The following BTBD9 variants were observed in gnomAD, a reference collection of about 807,000 sequenced individuals.
BTBD9 encodes BTB domain containing 9.
In BTBD9, 49 loss-of-function variants were observed where a neutral mutation model predicts 64.3. The observed-to-expected ratio is 0.76, with a 90% CI of 0.61 to 0.97. BTBD9 has a LOEUF of 0.97. Ranked by LOEUF, BTBD9 falls within the 50% of genes least tolerant of loss-of-function variation. The pLI is 0.00. For missense variants in BTBD9, 598 were observed against 762.1 expected (o/e 0.78, Z 2.53); for synonymous variants, 260 against 274.7 (o/e 0.95, Z 0.53).
intron 6 of BTBD9, among the ~76,000 whole-genome samples, chr6:38,407,011 C>G (rs2127251148): frequency 6.6e-6 from 1 of 152,336 alleles, no homozygotes; most frequent in Middle Eastern, 3.4e-3. Flanking sequence ...ATTCCTTGTT[C>G]TGTTTCCACT....
chr6:38,246,492 G>C (rs1764209423), intron 9 of BTBD9, among the ~76,000 whole-genome samples: 1 of 151,530 alleles, frequency 6.6e-6, no homozygotes, highest in Admixed American at 6.6e-5. Context: ...TCTAAAATCT[G>C]CTATTTTCTT....
rs772578758 is a variant in BTBD9 at position 38,288,334 on chromosome 6, G to A, written c.1392C>T (p.His464=). 19 of 1,614,136 alleles carry A rather than the reference G, an allele frequency of 1.2e-5. No individual in the cohort carries two copies. Among genetic ancestry groups the A allele is most frequent in the South Asian group, 9.9e-5 (9 of 91,084 alleles). The change falls in exon 8 of 11, where the codon CAC becomes CAT. Residue 464 remains histidine, a synonymous_variant. Transcript: ENST00000481247. ...NYDWDSGYTC[H]QLGSGAIVVQ... is the part of the protein sequence containing the mutation. ...CCACAATCGCACCACTTCCTAGCTG[G>A]TGACATGTGTAGCCAGAATCCCAGT...
At chr6:38,479,184 A>T (rs1368166795) in intron 6 of BTBD9, among the ~76,000 whole-genome samples, 1 of 152,164 alleles carries the variant, frequency 6.6e-6, no homozygotes, top group African/African-American at 2.4e-5. Flanking sequence ...ATATACAATG[A>T]AAAGTCAGTG....
intron 8 of BTBD9, 130 bp from the exon 9 acceptor site, chr6:38,256,646 C>T (rs1330284281): frequency 1.6e-6 from 1 of 617,510 alleles, no homozygotes; most frequent in South Asian, 2.1e-5. Context: ...GAAGGTGAAT[C>T]CCAAAAAAGT....
At position 38,360,318 on chromosome 6, in the gene BTBD9, TAG is replaced by T. The variant is rs1011742254; in HGVS notation, c.1155-15227_1155-15226del. On this transcript the variant is annotated intron_variant, in intron 6 of 10. Coordinates refer to ENST00000481247, the MANE Select transcript of BTBD9 (RefSeq NM_001099272.2). ...TGCTCAATAAATGGTACCTAGCATA[TAG>T]TAGGTACTCAAAAATGTTAAATAAA... Among the ~76,000 whole-genome samples the T allele has an allele frequency of 1.2e-4, 19 of 152,192 alleles. 2 individuals are homozygous for T. The highest frequency in any genetic ancestry group is 1.5e-5 in the Non-Finnish European group (1 of 68,042).
chr6:38,592,521 G>A, intron 4 of BTBD9, 55 bp downstream of exon 4: 2 of 1,590,084 alleles, frequency 1.3e-6, no homozygotes, highest in African/African-American at 1.3e-5. Context: ...CGGTTTTAAT[G>A]GCATGAGAGG....
intron 6 of BTBD9, among the ~76,000 whole-genome samples, chr6:38,457,701 T>G (rs1456695046): frequency 1.3e-5 from 2 of 151,956 alleles, no homozygotes; most frequent in African/African-American, 4.8e-5. Context: ...CCAGAGAGAT[T>G]AAATTTGAGA....
At chr6:38,207,039 C>A (rs1438453815) in intron 9 of BTBD9, among the ~76,000 whole-genome samples, 3 of 152,188 alleles carry the variant, frequency 2.0e-5, no homozygotes, top group East Asian at 3.9e-4. Context: ...CCTTATACTA[C>A]TTTAATTTAT....
intron 8 of BTBD9, among the ~76,000 whole-genome samples, chr6:38,275,329 C>T (rs1190252435): frequency 6.6e-6 from 1 of 151,910 alleles, no homozygotes; most frequent in Non-Finnish European, 1.5e-5. Flanking sequence ...CTTCCTTACA[C>T]CTTATACAAA....
At chr6:38,243,604 A>G (rs925494659) in intron 9 of BTBD9, among the ~76,000 whole-genome samples, 1 of 152,182 alleles carries the variant, frequency 6.6e-6, no homozygotes, top group African/African-American at 2.4e-5. Flanking sequence ...TAGCACCTGA[A>G]TGACTGTGGA....
At position 38,266,671 on chromosome 6, in the gene BTBD9, AAAGAAAG is replaced by A. The variant is rs1199904304; in HGVS notation, c.1455-10162_1455-10156del. On this transcript the variant is annotated intron_variant, in intron 8 of 10. Coordinates refer to ENST00000481247, the MANE Select transcript of BTBD9 (RefSeq NM_001099272.2). ...GAAAGAAAGAAAGAAAGAAAGAAAGAAAGAAAGAAGAAAAAGAAAATTATCTCATTTT... is the reference window on the plus strand; with the variant it reads ...GAAAGAAAGAAAGAAAGAAAGAAAGAAAGAAAAAGAAAATTATCTCATTTT... Among the ~76,000 whole-genome samples, 109 of 130,472 alleles carry A rather than the reference AAAGAAAG, an allele frequency of 8.4e-4. 1 individual carries two copies. The highest frequency in any genetic ancestry group is 1.0e-3 in the Non-Finnish European group (62 of 62,226). The allele number at this position is 130,472 out of a possible 152,430, so 85.6% of individuals were successfully genotyped here.
intron 6 of BTBD9, among the ~76,000 whole-genome samples, chr6:38,368,873 C>T (rs6907434): frequency 0.18 from 27,408 of 152,064 alleles, 2,610 homozygotes; most frequent in Non-Finnish European, 0.2. Context: ...ATTCACAGCT[C>T]GATCACTAAC....
At chr6:38,386,628 C>CTA (rs1766179675) in intron 6 of BTBD9, among the ~76,000 whole-genome samples, 1 of 122,318 alleles carries the variant, frequency 8.2e-6, no homozygotes, top group African/African-American at 3.3e-5. Context: ...TTCCAGTTTA[C>CTA]TCTTTTTTTT....
chr6:38,257,946 C>T (rs1764652286), intron 8 of BTBD9, among the ~76,000 whole-genome samples: 1 of 151,566 alleles, frequency 6.6e-6, no homozygotes, highest in South Asian at 2.1e-4. Flanking sequence ...AAGATCTGTT[C>T]ACTCTGTGTG....
At chr6:38,617,966 A>C (rs1777847802) in intron 1 of BTBD9, among the ~76,000 whole-genome samples, 1 of 152,214 alleles carries the variant, frequency 6.6e-6, no homozygotes, top group African/African-American at 2.4e-5. Flanking sequence ...GTGGTGGTTA[A>C]GAGCCACTAA....
At chr6:38,422,691 C>T (rs1364685341) in intron 6 of BTBD9, among the ~76,000 whole-genome samples, 1 of 152,140 alleles carries the variant, frequency 6.6e-6, no homozygotes, top group Non-Finnish European at 1.5e-5. Flanking sequence ...AGAATATCTC[C>T]ATTTAAAAAA....
chr6:38,376,593 G>A (rs1199715660), intron 6 of BTBD9, among the ~76,000 whole-genome samples: 2 of 152,024 alleles, frequency 1.3e-5, no homozygotes, highest in Non-Finnish European at 2.9e-5. Context: ...AGAAACAAAA[G>A]CTGTGTTAAC....
At chr6:38,477,806 A>G (rs556280388) in intron 6 of BTBD9, among the ~76,000 whole-genome samples, 1 of 152,338 alleles carries the variant, frequency 6.6e-6, no homozygotes, top group Non-Finnish European at 1.5e-5. Context: ...TCATTTAAGA[A>G]TTACTCACTT....
intron 6 of BTBD9, among the ~76,000 whole-genome samples, chr6:38,565,257 C>T (rs957809181): frequency 6.6e-6 from 1 of 152,178 alleles, no homozygotes; most frequent in African/African-American, 2.4e-5. Flanking sequence ...AACCTTGACG[C>T]TATTGACATT....
Sources: allele counts gnomAD v4.1 joint callset (sites outside exome capture counted in the v4.1 genomes callset), GRCh38; gene constraint gnomAD v4.1.1; transcripts MANE v1.5; gene names NCBI Gene and HGNC (gene_info 2026-07-23, HGNC 2026-07-21).